The following BIRC6 variants were observed in gnomAD, a reference collection of about 807,000 sequenced individuals.
BIRC6 encodes the protein baculoviral IAP repeat containing 6.
Under a neutral mutation model 503.3 loss-of-function variants are expected in BIRC6, and 98 were observed. That is an observed-to-expected ratio of 0.19 (90% CI 0.17 to 0.23). The LOEUF is 0.23. Ranked by LOEUF, BIRC6 falls within the 10% of genes least tolerant of loss-of-function variation. BIRC6 has a pLI of 1.00. For missense variants in BIRC6, 5,360 were observed against 5,806.0 expected, an observed-to-expected ratio of 0.92 and a Z score of 2.50; for synonymous variants, 2,240 against 2,078.7, an observed-to-expected ratio of 1.08 and a Z score of -2.11.
rs748185131 is a variant in BIRC6, at chr2:32,433,732, A to C, written c.3337A>C (p.Asn1113His). The change falls in exon 13 of 74, where the codon AAC becomes CAC. Residue 1113 changes from asparagine to histidine, a missense_variant. Physicochemically the swap from Asn to His is moderately conservative, Grantham distance 68. Transcript: ENST00000421745. The stretch of plus-strand genomic sequence containing the variant: ...GGACTTCAAATTCGTTTTGAACTCA[A>C]ACATCACCAATATTCCACAGATACA... ...HVDFKFVLNS[N>H]ITNIPQIQVT... The C allele has an allele frequency of 5.0e-6, 8 of 1,603,594 alleles. No homozygotes were observed. In the African/African-American group the frequency reaches 1.1e-4, roughly 21 times the overall value.
chr2:32,507,837 AC>A (rs2149559231), intron 50 of BIRC6, 142 bp from the exon 51 acceptor site: 1 of 699,926 alleles, frequency 1.4e-6, no homozygotes, highest in East Asian at 2.9e-5. Context: ...TCATTGTCAA[AC>A]TATATTTTGT....
chr2:32,476,765 G>C (rs1388013045), intron 34 of BIRC6, among the ~76,000 whole-genome samples: 1 of 152,110 alleles, frequency 6.6e-6, no homozygotes, highest in Admixed American at 6.5e-5. Flanking sequence ...GAATATTTTG[G>C]TGGCTGAGTT....
intron 65 of BIRC6, among the ~76,000 whole-genome samples, chr2:32,555,115 A>C (rs1421853503): frequency 6.6e-6 from 1 of 152,212 alleles, no homozygotes; most frequent in African/African-American, 2.4e-5. Flanking sequence ...AAAATTGTCG[A>C]GCTGTCGTAA....
chr2:32,511,467 A>G (rs7599324), intron 53 of BIRC6, among the ~76,000 whole-genome samples: 140,165 of 140,208 alleles, frequency 1, 70,061 homozygotes, highest in Middle Eastern at 1. Context: ...CCACCACTAT[A>G]ACTGACTAAT....
At chr2:32,514,755 T>C (rs1369469701) in intron 54 of BIRC6, among the ~76,000 whole-genome samples, 1 of 152,228 alleles carries the variant, frequency 6.6e-6, no homozygotes, top group Non-Finnish European at 1.5e-5. Context: ...TGATTTTCTG[T>C]ACTCATTGAC....
chr2:32,536,847 T>C (rs1461688783), intron 61 of BIRC6, among the ~76,000 whole-genome samples: 2 of 152,206 alleles, frequency 1.3e-5, no homozygotes, highest in African/African-American at 4.8e-5. Context: ...TAAATTACCT[T>C]GGGTAGTATA....
intron 61 of BIRC6, among the ~76,000 whole-genome samples, chr2:32,534,574 T>C (rs545212983): frequency 6.7e-6 from 1 of 150,356 alleles, no homozygotes; most frequent in South Asian, 2.1e-4. Context: ...CTACTAAAAG[T>C]ACAAAAATTA....
At chr2:32,555,021 A>G (rs895883119) in intron 65 of BIRC6, among the ~76,000 whole-genome samples, 2 of 152,134 alleles carry the variant, frequency 1.3e-5, no homozygotes, top group African/African-American at 2.4e-5. Context: ...ATAAGGTTTG[A>G]TACCAATAGA....
chr2:32,578,252 T>TC (rs2060400247), intron 66 of BIRC6, among the ~76,000 whole-genome samples: 1 of 152,172 alleles, frequency 6.6e-6, no homozygotes, highest in African/African-American at 2.4e-5. Flanking sequence ...TATTTTTTTT[T>TC]CTAACAGAGT....
rs1178793026 is a variant in BIRC6, at chr2:32,618,741, A to G, written c.*837A>G. 1 of 152,446 alleles carries G rather than the reference A, an allele frequency of 6.6e-6. No homozygotes were observed. Among genetic ancestry groups the G allele is most frequent in the Non-Finnish European group, 1.5e-5 (1 of 68,018 alleles). 9.4% of individuals were successfully genotyped at this position (152,446 alleles called of 1,614,324 possible). On this transcript the variant is annotated 3_prime_UTR_variant, in exon 74 of 74. Transcript: ENST00000421745. Reference sequence around the variant, plus strand: ...TGGTTTTATGACTAAAGTCACATGTATGTATTAAACATTGAGGCTCTGTAG... The same window carrying G: ...TGGTTTTATGACTAAAGTCACATGTGTGTATTAAACATTGAGGCTCTGTAG...
intron 10 of BIRC6, among the ~76,000 whole-genome samples, chr2:32,417,920 C>T (rs2042555100): frequency 6.6e-6 from 1 of 152,176 alleles, no homozygotes. Flanking sequence ...GCTGGGACCA[C>T]AGGTGCGCGT....
At chr2:32,410,345 A>AT (rs1228970253) in intron 9 of BIRC6, among the ~76,000 whole-genome samples, 3 of 152,182 alleles carry the variant, frequency 2.0e-5, no homozygotes, top group Non-Finnish European at 4.4e-5. Flanking sequence ...TCAGCCTTCA[A>AT]TTTCCAATCT....
chr2:32,458,683 CTTTTTTTTTTTTTTT>C lies in BIRC6; in HGVS notation c.4754-4500_4754-4486del, dbSNP rs1166608470. On this transcript the variant is annotated intron_variant, in intron 23 of 73. Transcript: ENST00000421745. ...TGGCCTTTTGTTAATACTCTATTGC[CTTTTTTTTTTTTTTT>C]TTTTTTTTTTCTGATACAGAGTGAG... is the stretch of plus-strand genomic sequence containing the variant. 1.1e-4 allele frequency among the ~76,000 whole-genome samples: 10 copies of C among 89,460 alleles called. 1 individual carries two copies. The highest frequency in any genetic ancestry group is 5.2e-4 in the African/African-American group (10 of 19,188). The allele number at this position is 89,460 out of a possible 152,430, so 58.7% of individuals were successfully genotyped here. A position where few individuals can be genotyped will look rare whatever the true frequency, so the allele number is the denominator to read the frequency against.
chr2:32,508,610 A>T (rs1572698967), intron 51 of BIRC6, among the ~76,000 whole-genome samples: 11 of 152,032 alleles, frequency 7.2e-5, no homozygotes, highest in Admixed American at 7.2e-4. Context: ...AACCATACCA[A>T]CTGACCTTAG....
chr2:32,398,078 T>C (rs924423019), intron 6 of BIRC6, among the ~76,000 whole-genome samples: 1 of 151,984 alleles, frequency 6.6e-6, no homozygotes, highest in African/African-American at 2.4e-5. Flanking sequence ...AAAGGAAAAA[T>C]TTGAAAGGGC....
chr2:32,428,159 C>G (rs1020429772), intron 10 of BIRC6, among the ~76,000 whole-genome samples: 2 of 152,196 alleles, frequency 1.3e-5, no homozygotes, highest in African/African-American at 4.8e-5. Flanking sequence ...TCTCAGGTCT[C>G]TTTTGCATAG....
At chr2:32,558,283 T>A (rs2058923379) in intron 65 of BIRC6, among the ~76,000 whole-genome samples, 1 of 151,980 alleles carries the variant, frequency 6.6e-6, no homozygotes, top group African/African-American at 2.4e-5. Flanking sequence ...CGTATCTAAC[T>A]AGGCTGATGT....
chr2:32,508,419 AG>A (rs1435581256), intron 51 of BIRC6, among the ~76,000 whole-genome samples, 160 bp downstream of exon 51: 23 of 151,350 alleles, frequency 1.5e-4, no homozygotes, highest in African/African-American at 4.8e-4. Context: ...GGTGTAATAG[AG>A]ACAGTTTTGT....
Position 32,611,538 on chromosome 2 carries a change from A to G in BIRC6, c.14350A>G (p.Lys4784Glu). Residue 4784 changes from lysine to glutamate, a missense_variant, in exon 73 of 74, where the codon AAG (lysine) becomes GAG (glutamate). By Grantham distance (56) the Lys-to-Glu change is moderately conservative (BLOSUM62 1). Coordinates refer to ENST00000421745, the MANE Select transcript of BIRC6 (RefSeq NM_016252.4). ...GGATATCCAGCAGTACAGCAGTGAT[A>G]AGCGGGTAGGCAGGACTATGTCTCA... The part of the protein sequence containing the change: ...IADIQQYSSD[K>E]RVGRTMSHHA... 1 of 1,603,966 alleles carries G rather than the reference A, an allele frequency of 6.2e-7. No individual in the cohort carries two copies. Among genetic ancestry groups the G allele is most frequent in the Non-Finnish European group, 8.5e-7 (1 of 1,173,952 alleles).
Sources: allele counts gnomAD v4.1 joint callset (sites outside exome capture counted in the v4.1 genomes callset), GRCh38; gene constraint gnomAD v4.1.1; transcripts MANE v1.5; gene names NCBI Gene and HGNC (gene_info 2026-07-23, HGNC 2026-07-21).